Variants in ETV3L observed in about 807,000 individuals in gnomAD.
The protein encoded by ETV3L is ETS variant transcription factor 3 like, also known as ETS translocation variant 3-like protein.
ETV3L carries 30 observed loss-of-function variants against 27.6 expected under a neutral mutation model. That is an observed-to-expected ratio of 1.09 (90% CI 0.81 to 1.48). The LOEUF (loss-of-function observed/expected upper bound fraction) is 1.48. Ranked by LOEUF, ETV3L falls within the 40% of genes most tolerant of loss-of-function variation. The pLI is 0.00. For synonymous variants in ETV3L, 186 were observed against 188.9 expected (o/e 0.98, Z 0.12); for missense variants, 443 against 455.6 (o/e 0.97, Z 0.25).
At chr1:157,094,365 C>T (rs980426630) in intron 4 of ETV3L, among the ~76,000 whole-genome samples, 2 of 152,150 alleles carry the variant, frequency 1.3e-5, no homozygotes, top group African/African-American at 4.8e-5. Flanking sequence ...CATAACTTTC[C>T]ACCTCCAAAA....
chr1:157,098,666 C>T, intron 3 of ETV3L, 40 bp downstream of exon 3: 1 of 1,530,398 alleles, frequency 6.5e-7, no homozygotes, highest in Non-Finnish European at 8.8e-7. Context: ...AGGGGTAGGA[C>T]CTGGTGGAGC....
At chr1:157,094,509 G>A (rs940002341) in intron 4 of ETV3L, among the ~76,000 whole-genome samples, 1 of 152,180 alleles carries the variant, frequency 6.6e-6, no homozygotes, top group African/African-American at 2.4e-5. Flanking sequence ...TCTGTATTTC[G>A]AAAAGCCTAA....
Position 157,099,490 on chromosome 1 carries a change from C to T in ETV3L, c.34G>A (p.Ala12Thr). 1 of 1,613,318 alleles carries T rather than the reference C, an allele frequency of 6.2e-7. No homozygotes were observed. Among genetic ancestry groups the T allele is most frequent in the East Asian group, 2.2e-5 (1 of 44,842 alleles). Residue 12 changes from alanine to threonine, a missense_variant, in exon 1 of 5, where the codon GCC (alanine) becomes ACC (threonine). Transcript: ENST00000454449. ...CCTGAGATCCAGTTGCCGGGGTTGG[C>T]TGGGATGCCCTCAGCCAAGCAGCTG... Reference protein sequence around the residue: ...HCSCLAEGIPANPGNWISGLA... With the variant: ...HCSCLAEGIPTNPGNWISGLA...
In ETV3L at chr1:157,097,998, G is replaced by A; in HGVS notation, c.487-10C>T. On this transcript the variant is annotated splice_polypyrimidine_tract_variant and intron_variant, in intron 3 of 4. Transcript: ENST00000454449. ...GCATGCTGTGCAGGAGCTGAGGGGT[G>A]AGAAGTAGGTGCGAGGTGTGATGGG... 6.3e-7 allele frequency: 1 copy of A among 1,596,760 alleles called. No individual in the cohort carries two copies. Among genetic ancestry groups the A allele is most frequent in the Non-Finnish European group, 8.5e-7 (1 of 1,170,846 alleles).
At chr1:157,097,744 CGAAT>C (rs1301293241) in intron 4 of ETV3L, 120 bp downstream of exon 4, 6 of 1,238,140 alleles carry the variant, frequency 4.8e-6, no homozygotes, top group South Asian at 1.4e-5. Context: ...AAATGTTGGT[CGAAT>C]GAATGAATGA....
chr1:157,096,912 G>A (rs530662673), intron 4 of ETV3L, among the ~76,000 whole-genome samples: 196 of 152,112 alleles, frequency 1.3e-3, no homozygotes, highest in African/African-American at 4.5e-3. Flanking sequence ...AGAGCAAAAC[G>A]CCATCTCAAA....
Position 157,098,786 on chromosome 1 carries a change from C to G in ETV3L, c.406G>C (p.Ala136Pro), listed in dbSNP as rs558730616. 2 of 1,614,066 alleles carry G rather than the reference C, an allele frequency of 1.2e-6. No homozygotes were observed. Among genetic ancestry groups the G allele is most frequent in the Admixed American group, 3.3e-5 (2 of 60,010 alleles). ...AGCAGCAAGTGGGGGGATGGCGGCG[C>G]CCGCACTTCCCACAAAGGATAGTTG... ...VVNYPLWEVR[A>P]PPSPHLLLGA... The change falls in exon 3 of 5, where the codon GCG becomes CCG. Residue 136 changes from alanine (A) to proline (P), a missense_variant. Ala to Pro is a conservative substitution (Grantham distance 27). Coordinates refer to ENST00000454449, the MANE Select transcript of ETV3L (RefSeq NM_001004341.2).
intron 4 of ETV3L, among the ~76,000 whole-genome samples, chr1:157,096,881 T>C (rs11264616): frequency 0.26 from 39,770 of 152,166 alleles, 6,198 homozygotes; most frequent in Middle Eastern, 0.42. Context: ...ATTGTGCCAT[T>C]GCACTCCAGC....
At chr1:157,093,501 T>C (rs1674164242) in intron 4 of ETV3L, among the ~76,000 whole-genome samples, 1 of 149,812 alleles carries the variant, frequency 6.7e-6, no homozygotes, top group South Asian at 2.1e-4. Flanking sequence ...TTTCTTTTCT[T>C]TTTTTTTTTA....
At position 157,098,776 on chromosome 1, in the gene ETV3L, G is replaced by A. The variant is rs1199375634; in HGVS notation, c.416C>T (p.Ser139Phe). The change falls in exon 3 of 5, where the codon TCC (serine) becomes TTC (phenylalanine). Residue 139 changes from serine (S) to phenylalanine (F), a missense_variant. Transcript: ENST00000454449. ...AGGGGCCCCCAGCAGCAAGTGGGGG[G>A]ATGGCGGCGCCCGCACTTCCCACAA... is the stretch of plus-strand genomic sequence containing the variant. ...YPLWEVRAPP[S>F]PHLLLGAPAL... 4.3e-6 allele frequency: 7 copies of A among 1,613,896 alleles called. No homozygotes were observed. Among genetic ancestry groups the A allele is most frequent in the Non-Finnish European group, 5.9e-6 (7 of 1,179,968 alleles).
At chr1:157,093,623 C>T (rs1674166222) in intron 4 of ETV3L, among the ~76,000 whole-genome samples, 1 of 151,964 alleles carries the variant, frequency 6.6e-6, no homozygotes, top group Admixed American at 6.6e-5. Context: ...TCTCGAGTAG[C>T]TGAGACTACA....
Position 157,092,570 on chromosome 1 carries a change from G to A in ETV3L, c.*79C>T, listed in dbSNP as rs1176689130. 3 of 1,254,802 alleles carry A rather than the reference G, an allele frequency of 2.4e-6. No individual in the cohort carries two copies. Among genetic ancestry groups the A allele is most frequent in the Non-Finnish European group, 2.2e-6 (2 of 898,154 alleles). 77.7% of individuals were successfully genotyped at this position (1,254,802 alleles called of 1,614,324 possible). ...TCAGCCCATGTCCAGCCAGGGGAAGGGGCTAACCCAGAGGCGGTGGGCAAG... is the reference window on the plus strand; with the variant it reads ...TCAGCCCATGTCCAGCCAGGGGAAGAGGCTAACCCAGAGGCGGTGGGCAAG... On this transcript the variant is annotated 3_prime_UTR_variant, in exon 5 of 5. Coordinates refer to ENST00000454449, the MANE Select transcript of ETV3L (RefSeq NM_001004341.2).
In ETV3L at chr1:157,093,354, A is replaced by G. The variant is rs542975457; in HGVS notation, c.608-227T>C. ...TGGGTTCAAACGATCCTCCCACCTC[A>G]GCTTGCTGAGTAGCTGGGACTACAG... is the stretch of plus-strand genomic sequence containing the variant. On this transcript the variant is annotated intron_variant, in intron 4 of 4. Transcript: ENST00000454449. Among the ~76,000 whole-genome samples the G allele has an allele frequency of 2.0e-5, 3 of 152,176 alleles. No individual in the cohort carries two copies. The East Asian group carries it at 5.8e-4, about 29-fold the overall frequency.
Position 157,092,732 on chromosome 1 carries a change from G to A in ETV3L, c.1003C>T (p.Arg335Cys), listed in dbSNP as rs766717183. 1.1e-5 allele frequency: 17 copies of A among 1,614,020 alleles called. No homozygotes were observed. The highest frequency in any genetic ancestry group is 2.2e-5 in the East Asian group (1 of 44,880). The change falls in exon 5 of 5, where the codon CGC (arginine) becomes TGC (cysteine). Residue 335 changes from arginine (R) to cysteine (C), a missense_variant. Physicochemically the swap from Arg to Cys is radical, Grantham distance 180 (BLOSUM62 -3). Coordinates refer to ENST00000454449, the MANE Select transcript of ETV3L (RefSeq NM_001004341.2). The stretch of plus-strand genomic sequence containing the variant: ...CTTTCCTCCCCAGTTTTGAGTCTGC[G>A]GGTCTCTGGGCAGAAGACCTCCCTG... ...DPREVFCPET[R>C]RLKTGEESLT... is the part of the protein sequence containing the mutation.
intron 4 of ETV3L, among the ~76,000 whole-genome samples, chr1:157,096,784 T>A (rs1343143155): frequency 2.6e-5 from 4 of 152,182 alleles, no homozygotes; most frequent in Non-Finnish European, 5.9e-5. Context: ...GCCAAGGTGG[T>A]GGCGCATGCC....
Position 157,097,905 on chromosome 1 carries a change from G to A in ETV3L, c.570C>T (p.Thr190=). Residue 190 remains threonine, a synonymous_variant, in exon 4 of 5, where the codon ACC becomes ACT. Transcript: ENST00000454449. Reference sequence around the variant, plus strand: ...TGCTGCTCCCCTTCTTATCCCCAGAGGTCTCTGGTGGCCCTCGGGGGGTCT... The same window carrying A: ...TGCTGCTCCCCTTCTTATCCCCAGAAGTCTCTGGTGGCCCTCGGGGGGTCT... ...GQQTPRGPPE[T]SGDKKGSSSS... is the part of the protein sequence containing the mutation. The A allele has an allele frequency of 6.2e-7, 1 of 1,613,578 alleles. No homozygotes were observed. The highest frequency in any genetic ancestry group is 1.7e-4 in the Middle Eastern group (1 of 5,888).
At chr1:157,097,818 C>G in intron 4 of ETV3L, 50 bp downstream of exon 4, 3 of 1,608,324 alleles carry the variant, frequency 1.9e-6, no homozygotes, top group Non-Finnish European at 2.5e-6. Flanking sequence ...GGAGGGCCCT[C>G]CCTCCTCTGG....
chr1:157,098,415 AG>A (rs1265600395), intron 3 of ETV3L, among the ~76,000 whole-genome samples: 5 of 152,018 alleles, frequency 3.3e-5, no homozygotes, highest in Non-Finnish European at 7.4e-5. Flanking sequence ...CATTGTTAAA[AG>A]CCCACTGCCA....
intron 1 of ETV3L, 35 bp from the exon 2 acceptor site, chr1:157,099,413 C>A (rs770208936): frequency 3.7e-6 from 6 of 1,613,880 alleles, no homozygotes; most frequent in Non-Finnish European, 5.1e-6. Flanking sequence ...GCTCTGGAGG[C>A]CCTGCCCTAG....
Sources: allele counts gnomAD v4.1 joint callset (sites outside exome capture counted in the v4.1 genomes callset), GRCh38; gene constraint gnomAD v4.1.1; transcripts MANE v1.5; gene names NCBI Gene and HGNC (gene_info 2026-07-23, HGNC 2026-07-21).